Variants in PKHD1 observed in about 807,000 individuals in gnomAD.
PKHD1 encodes the protein PKHD1 ciliary IPT domain containing fibrocystin/polyductin.
A neutral mutation model predicts 412.0 loss-of-function variants in PKHD1; 291 were observed. The observed-to-expected ratio is 0.71, with a 90% CI of 0.64 to 0.78. The LOEUF is 0.78. Ranked by LOEUF, PKHD1 falls within the 30% of genes least tolerant of loss-of-function variation. The probability of loss-of-function intolerance (pLI) is 0.00; values close to 1 mark genes in which losing one functional copy is unlikely to be tolerated. For synonymous variants in PKHD1, 1,777 were observed against 1,821.5 expected (o/e 0.98, Z 0.62); for missense variants, 4,825 against 4,950.7 (o/e 0.97, Z 0.76).
chr6:51,829,724 A>G (rs933352734), intron 52 of PKHD1, among the ~76,000 whole-genome samples: 1 of 152,162 alleles, frequency 6.6e-6, no homozygotes, highest in Non-Finnish European at 1.5e-5. Flanking sequence ...TGGCCAGTAT[A>G]TCTTCTTTCA....
At chr6:51,648,181 G>C in intron 62 of PKHD1, 63 bp from the exon 63 acceptor site, 1 of 884,360 alleles carries the variant, frequency 1.1e-6, no homozygotes, top group Non-Finnish European at 1.9e-6. Flanking sequence ...ATTTTGTGAA[G>C]TTAGAAAAGA....
chr6:51,715,042 A>T (rs1409189105), intron 60 of PKHD1, among the ~76,000 whole-genome samples: 1 of 152,028 alleles, frequency 6.6e-6, no homozygotes, highest in Non-Finnish European at 1.5e-5. Flanking sequence ...CCTTAAGTCT[A>T]AAAAAAGTCC....
rs545562322 is a variant in PKHD1 at position 51,944,307 on chromosome 6, G to A, written c.5909-9985C>T. Among the ~76,000 whole-genome samples, 8 of 146,396 alleles carry A rather than the reference G, an allele frequency of 5.5e-5. No homozygotes were observed. In the South Asian group the frequency reaches 6.5e-4, roughly 12 times the overall value. ...TCCCCAAATCTTATAAAACGGCCCC[G>A]CCCCATCTCCCTTCACTGACTCTCT... On this transcript the variant is annotated intron_variant, in intron 36 of 66. Coordinates refer to ENST00000371117, the MANE Select transcript of PKHD1 (RefSeq NM_138694.4).
chr6:51,894,587 C>A (rs1779604341), intron 43 of PKHD1, among the ~76,000 whole-genome samples: 1 of 152,186 alleles, frequency 6.6e-6, no homozygotes, highest in South Asian at 2.1e-4. Context: ...TGCATCAGGG[C>A]AATTTGAGAA....
At chr6:51,936,627 AC>A (rs1260196780) in intron 36 of PKHD1, among the ~76,000 whole-genome samples, 2 of 152,138 alleles carry the variant, frequency 1.3e-5, no homozygotes, top group African/African-American at 4.8e-5. Context: ...AACTGAATTG[AC>A]CCCTCCTCTT....
At chr6:51,823,854 A>G (rs1430130690) in intron 52 of PKHD1, among the ~76,000 whole-genome samples, 3 of 152,108 alleles carry the variant, frequency 2.0e-5, no homozygotes, top group African/African-American at 7.2e-5. Context: ...CTCATTTGGG[A>G]GCATCCGTTT....
intron 52 of PKHD1, among the ~76,000 whole-genome samples, chr6:51,793,319 G>T (rs1240172643): frequency 6.6e-6 from 1 of 152,046 alleles, no homozygotes; most frequent in East Asian, 1.9e-4. Context: ...AAACAAGAGG[G>T]TTTTGCCTCC....
intron 65 of PKHD1, among the ~76,000 whole-genome samples, chr6:51,631,661 G>A (rs1409266806): frequency 6.6e-6 from 1 of 152,000 alleles, no homozygotes; most frequent in African/African-American, 2.4e-5. Context: ...AGGGTTGGGG[G>A]AATGGGTGGA....
chr6:51,664,213 G>A (rs981494695), intron 60 of PKHD1, among the ~76,000 whole-genome samples: 1 of 152,024 alleles, frequency 6.6e-6, no homozygotes, highest in African/African-American at 2.4e-5. Flanking sequence ...GGTCACCCAA[G>A]CCATTTCTGC....
chr6:51,833,929 C>T (rs1420076086), intron 51 of PKHD1, among the ~76,000 whole-genome samples: 2 of 152,068 alleles, frequency 1.3e-5, no homozygotes, highest in South Asian at 2.1e-4. Context: ...TGGTCTGGAC[C>T]AACACTCCTG....
chr6:51,969,774 C>T (rs1793388614), intron 35 of PKHD1, among the ~76,000 whole-genome samples: 1 of 150,702 alleles, frequency 6.6e-6, no homozygotes, highest in Admixed American at 6.6e-5. Context: ...TATATGTGTA[C>T]ACACACACAC....
Position 52,025,917 on chromosome 6 carries a change from G to A in PKHD1, c.3893C>T (p.Ala1298Val), listed in dbSNP as rs1327377942. Residue 1298 changes from alanine to valine, a missense_variant, in exon 32 of 67, where the codon GCA becomes GTA. Ala to Val is a moderately conservative substitution (Grantham distance 64). Coordinates refer to ENST00000371117, the MANE Select transcript of PKHD1 (RefSeq NM_138694.4). Reference sequence around the variant, plus strand: ...CATGGCAGTGACTACTGGTGTTGCTGCCGCTTCATACATGAAGGTGAAGCC... The same window carrying A: ...CATGGCAGTGACTACTGGTGTTGCTACCGCTTCATACATGAAGGTGAAGCC... ...GKGFTFMYEAAATPVVTAMQG... is the reference protein window; with the variant it reads ...GKGFTFMYEAVATPVVTAMQG... 9.3e-6 allele frequency: 15 copies of A among 1,614,054 alleles called. No individual in the cohort carries two copies. The Admixed American group carries it at 2.3e-4, about 25-fold the overall frequency.
chr6:51,995,692 A>G (rs994561892), intron 35 of PKHD1, among the ~76,000 whole-genome samples: 10 of 152,228 alleles, frequency 6.6e-5, no homozygotes, highest in Non-Finnish European at 1.5e-4. Context: ...TATCTTTATT[A>G]TCACATGATT....
At chr6:51,791,140 T>G (rs1793669694) in intron 53 of PKHD1, 96 bp downstream of exon 53, 1 of 1,302,254 alleles carries the variant, frequency 7.7e-7, no homozygotes, top group African/African-American at 1.4e-5. Context: ...CTAAACTCTG[T>G]TAAGCAACCT....
At chr6:52,034,441 A>C (rs1294278382) in intron 28 of PKHD1, among the ~76,000 whole-genome samples, 1 of 152,038 alleles carries the variant, frequency 6.6e-6, no homozygotes, top group Non-Finnish European at 1.5e-5. Context: ...TTTTTTATTA[A>C]TGTTTATGTT....
chr6:51,762,832 C>T (rs748216767), intron 55 of PKHD1, among the ~76,000 whole-genome samples: 6 of 151,904 alleles, frequency 3.9e-5, no homozygotes, highest in South Asian at 4.1e-4. Context: ...CAGTTAATAC[C>T]GTACCAATAT....
At chr6:51,904,792 G>T (rs1169645870) in intron 41 of PKHD1, among the ~76,000 whole-genome samples, 1 of 152,142 alleles carries the variant, frequency 6.6e-6, no homozygotes, top group Non-Finnish European at 1.5e-5. Flanking sequence ...CCACATAATT[G>T]TTTTCTGCTA....
rs1376918634 is a variant in PKHD1 at position 51,720,794 on chromosome 6, T to TAC, written c.10156+23589_10156+23590dup. On this transcript the variant is annotated intron_variant, in intron 60 of 66. Coordinates refer to ENST00000371117, the MANE Select transcript of PKHD1 (RefSeq NM_138694.4). ...GTGTGTGTGTGTGTGTGTATATATA[T>TAC]ACAATTTATCTCTTTTTGTTGATTC... The TAC allele has an allele frequency of 6.8e-5, 10 of 147,782 alleles. No homozygotes were observed. In the Admixed American group the frequency reaches 7.0e-4, roughly 10 times the overall value. 9.2% of individuals were successfully genotyped at this position (147,782 alleles called of 1,614,324 possible).
Position 52,059,947 on chromosome 6 carries a change from G to T in PKHD1, c.1214C>A (p.Ser405Ter). Residue 405 changes from serine (S) to a stop codon, truncating the protein, a stop_gained, in exon 15 of 67, where the codon TCA (serine) becomes TAA (stop). Transcript: ENST00000371117. LOFTEE classifies it high-confidence loss of function. ...DSQASLHFSW[S>*]EEPRTKVKVA... The stretch of plus-strand genomic sequence containing the variant: ...GAATACCTTAGTCCTTGGTTCCTCT[G>T]ACCAACTGAAATGCAAGGAAGCTTG... 4 of 1,570,436 alleles carry T rather than the reference G, an allele frequency of 2.5e-6. No individual in the cohort carries two copies. The South Asian group carries it at 4.4e-5, about 17-fold the overall frequency.
Sources: allele counts gnomAD v4.1 joint callset (sites outside exome capture counted in the v4.1 genomes callset), GRCh38; gene constraint gnomAD v4.1.1; transcripts MANE v1.5; gene names NCBI Gene and HGNC (gene_info 2026-07-23, HGNC 2026-07-21).